PHIP: variants seen among roughly 807,000 people sequenced by gnomAD.
The protein encoded by PHIP is PHIP subunit of CUL4-Ring ligase complex, also known as PH-interacting protein.
In PHIP, 54 loss-of-function variants were observed where a neutral mutation model predicts 236.8. The ratio of observed to expected loss-of-function variants is 0.23; its 90% confidence interval spans 0.18 to 0.29. The LOEUF (loss-of-function observed/expected upper bound fraction) is 0.29, where lower values mean the gene tolerates loss of function less well. PHIP is among the 10% of genes least tolerant of loss of function. The probability of loss-of-function intolerance (pLI) is 1.00; values close to 1 mark genes in which losing one functional copy is unlikely to be tolerated. For synonymous variants in PHIP, 756 were observed against 718.9 expected, an observed-to-expected ratio of 1.05 and a Z score of -0.83; for missense variants, 1,370 against 2,190.8, an observed-to-expected ratio of 0.63 and a Z score of 7.48.
intron 7 of PHIP, among the ~76,000 whole-genome samples, chr6:79,036,975 C>A (rs1290807423): frequency 1.4e-5 from 2 of 147,224 alleles, no homozygotes. Flanking sequence ...TACCCCATTA[C>A]CTCTAAATAT....
chr6:78,971,444 C>G (rs576939284), intron 24 of PHIP, among the ~76,000 whole-genome samples: 39 of 152,272 alleles, frequency 2.6e-4, no homozygotes, highest in Non-Finnish European at 5.6e-4. Context: ...TTTTAAAATG[C>G]TAAGTTTTTA....
chr6:78,949,243 T>A (rs1177717523), intron 35 of PHIP, among the ~76,000 whole-genome samples: 1 of 152,172 alleles, frequency 6.6e-6, no homozygotes, highest in East Asian at 1.9e-4. Context: ...CTATTTGCCA[T>A]CTATTCACAG....
chr6:78,955,518 T>C, intron 33 of PHIP, 95 bp downstream of exon 33: 1 of 565,880 alleles, frequency 1.8e-6, no homozygotes, highest in South Asian at 2.6e-5. Context: ...AGACAAAAAA[T>C]AATGTTCACA....
chr6:79,049,944 A>G (rs1354817680), intron 6 of PHIP, among the ~76,000 whole-genome samples: 2 of 152,104 alleles, frequency 1.3e-5, no homozygotes, highest in Non-Finnish European at 2.9e-5. Context: ...GAGATCCACA[A>G]AAGTGTTTTA....
intron 4 of PHIP, among the ~76,000 whole-genome samples, chr6:79,071,158 C>A (rs566997336): frequency 6.6e-6 from 1 of 152,196 alleles, no homozygotes; most frequent in African/African-American, 2.4e-5. Context: ...AGCTCAAATA[C>A]GGCTGTTTTT....
At chr6:78,964,136 CAA>C in intron 29 of PHIP, among the ~76,000 whole-genome samples, 2 of 151,952 alleles carry the variant, frequency 1.3e-5, no homozygotes, top group Non-Finnish European at 2.9e-5. Context: ...ATGAGAGAAA[CAA>C]AACAAAAACA....
chr6:79,046,010 C>T (rs1772464994), intron 6 of PHIP, among the ~76,000 whole-genome samples: 1 of 152,156 alleles, frequency 6.6e-6, no homozygotes, highest in South Asian at 2.1e-4. Flanking sequence ...TACAACACTG[C>T]TCCTCTGTTC....
rs778629354 is a variant in PHIP at position 78,982,866 on chromosome 6, T to C, written c.2769+20A>G. ...CTGTTTCTCTAGAAAACACCAAATTTGTAATGTTAAAAACCAAACCTTTTG... is the reference window on the plus strand; with the variant it reads ...CTGTTTCTCTAGAAAACACCAAATTCGTAATGTTAAAAACCAAACCTTTTG... On this transcript the variant is annotated intron_variant, in intron 23 of 39. Transcript: ENST00000275034. 14 of 1,446,284 alleles carry C rather than the reference T, an allele frequency of 9.7e-6. No homozygotes were observed. In the South Asian group the frequency reaches 1.5e-4, roughly 16 times the overall value. The allele number at this position is 1,446,284 out of a possible 1,614,324, so 89.6% of individuals were successfully genotyped here.
chr6:79,043,495 G>A (rs1011265776), intron 6 of PHIP, among the ~76,000 whole-genome samples: 1 of 152,066 alleles, frequency 6.6e-6, no homozygotes, highest in African/African-American at 2.4e-5. Context: ...TGAAGATAAA[G>A]GAATACGTCA....
intron 30 of PHIP, 60 bp downstream of exon 30, chr6:78,963,037 A>AT: frequency 1.4e-6 from 2 of 1,462,470 alleles, no homozygotes; most frequent in Non-Finnish European, 1.8e-6. Flanking sequence ...GAATAACAGT[A>AT]TTTTTCCATT....
Position 79,058,267 on chromosome 6 carries a change from C to T in PHIP, c.439+2211G>A, listed in dbSNP as rs1773174134. Among the ~76,000 whole-genome samples, 3 of 152,092 alleles carry T rather than the reference C, an allele frequency of 2.0e-5. No individual in the cohort carries two copies. The South Asian group carries it at 6.2e-4, about 31-fold the overall frequency. Reference sequence around the variant, plus strand: ...CAAAACCCAAGGTATTTTTGCCATACGTATATATAGGGTTCTGTACCATCT... The same window carrying T: ...CAAAACCCAAGGTATTTTTGCCATATGTATATATAGGGTTCTGTACCATCT... On this transcript the variant is annotated intron_variant, in intron 6 of 39. Transcript: ENST00000275034.
At chr6:79,012,284 A>T (rs906564616) in intron 15 of PHIP, among the ~76,000 whole-genome samples, 1 of 151,810 alleles carries the variant, frequency 6.6e-6, no homozygotes, top group Admixed American at 6.6e-5. Flanking sequence ...CCAGTATTTA[A>T]GAAATTTGTA....
rs559939106 is a variant in PHIP, at chr6:78,979,778, CTTGT to C, written c.2770-1071_2770-1068del. 6.6e-4 allele frequency among the ~76,000 whole-genome samples: 100 copies of C among 152,136 alleles called. 1 individual carries two copies. The South Asian group carries it at 8.1e-3, about 12-fold the overall frequency. On this transcript the variant is annotated intron_variant, in intron 23 of 39. Coordinates refer to ENST00000275034, the MANE Select transcript of PHIP (RefSeq NM_017934.7). Reference sequence around the variant, plus strand: ...TGTACACTAAGACTGCTACATTTTACTTGTTTTTTTAAAAACAAGGTAGTGTAAT... The same window carrying C: ...TGTACACTAAGACTGCTACATTTTACTTTTTTAAAAACAAGGTAGTGTAAT...
intron 9 of PHIP, among the ~76,000 whole-genome samples, chr6:79,023,552 A>C (rs1450501820): frequency 2.0e-5 from 3 of 152,148 alleles, no homozygotes; most frequent in Non-Finnish European, 4.4e-5. Context: ...TGTATATAAC[A>C]ACTCTATTGA....
chr6:78,943,544 A>C lies in PHIP; in HGVS notation c.4828+1756T>G, dbSNP rs1188968145. ...TGCAAAGCATTTTGGTTATTCAAAC[A>C]CTTATTATCTTCTGTATAATGGGCA... On this transcript the variant is annotated intron_variant, in intron 39 of 39. Coordinates refer to ENST00000275034, the MANE Select transcript of PHIP (RefSeq NM_017934.7). 5.9e-5 allele frequency among the ~76,000 whole-genome samples: 9 copies of C among 152,222 alleles called. No individual in the cohort carries two copies. In the East Asian group the frequency reaches 1.7e-3, roughly 29 times the overall value.
rs569136365 is a variant in PHIP, at chr6:78,986,712, T to A, written c.2461-1284A>T. ...CTTTTAATATTTAAATAAAATAATA[T>A]ACTTGGGACAAAAGTTTTCCCATTT... On this transcript the variant is annotated intron_variant, in intron 21 of 39. Coordinates refer to ENST00000275034, the MANE Select transcript of PHIP (RefSeq NM_017934.7). Among the ~76,000 whole-genome samples, 22 of 152,268 alleles carry A rather than the reference T, an allele frequency of 1.4e-4. No individual in the cohort carries two copies. In the South Asian group the frequency reaches 4.6e-3, roughly 32 times the overall value.
rs189814819 is a variant in PHIP at position 78,939,280 on chromosome 6, A to T, written c.*1413T>A. On this transcript the variant is annotated 3_prime_UTR_variant, in exon 40 of 40. Coordinates refer to ENST00000275034, the MANE Select transcript of PHIP (RefSeq NM_017934.7). The stretch of plus-strand genomic sequence containing the variant: ...ACTTAATTTTACTAATGATGCAAAA[A>T]ATAATAGAATACAAGGCACAATCAT... 6.6e-6 allele frequency: 1 copy of T among 151,884 alleles called. No individual in the cohort carries two copies. The highest frequency in any genetic ancestry group is 1.5e-5 in the Non-Finnish European group (1 of 67,704). The allele number at this position is 151,884 out of a possible 1,614,324, so 9.4% of individuals were successfully genotyped here.
intron 23 of PHIP, 95 bp downstream of exon 23, chr6:78,982,791 C>T (rs943424886): frequency 1.5e-5 from 11 of 713,146 alleles, no homozygotes; most frequent in Admixed American, 1.4e-4. Flanking sequence ...TTTGCTGATA[C>T]ACTTCAACAA....
At chr6:78,959,284 T>A (rs965657312) in intron 31 of PHIP, among the ~76,000 whole-genome samples, 8 of 152,270 alleles carry the variant, frequency 5.3e-5, no homozygotes, top group African/African-American at 1.9e-4. Context: ...TTAGAAAATC[T>A]TACTGATTGT....
Sources: allele counts gnomAD v4.1 joint callset (sites outside exome capture counted in the v4.1 genomes callset), GRCh38; gene constraint gnomAD v4.1.1; transcripts MANE v1.5; gene names NCBI Gene and HGNC (gene_info 2026-07-23, HGNC 2026-07-21).